SPATS1: variants seen among roughly 807,000 people sequenced by gnomAD.
SPATS1 encodes the protein spermatogenesis-associated serine-rich protein 1.
Under a neutral mutation model 33.6 loss-of-function variants are expected in SPATS1, and 23 were observed. The ratio of observed to expected loss-of-function variants is 0.68; its 90% CI spans 0.49 to 0.97. The LOEUF (loss-of-function observed/expected upper bound fraction) is 0.97. SPATS1 is among the 50% of genes least tolerant of loss of function. SPATS1 has a pLI of 0.00. For synonymous variants in SPATS1, 131 were observed against 125.6 expected (o/e 1.04, Z -0.29); for missense variants, 327 against 361.0 (o/e 0.91, Z 0.76).
intron 3 of SPATS1, among the ~76,000 whole-genome samples, chr6:44,358,593 G>A (rs895236531): frequency 6.6e-6 from 1 of 152,056 alleles, no homozygotes; most frequent in East Asian, 1.9e-4. Flanking sequence ...CTTAAACTGT[G>A]CACACAACTC....
chr6:44,365,731 T>C (rs1222245892), intron 5 of SPATS1, among the ~76,000 whole-genome samples: 1 of 152,238 alleles, frequency 6.6e-6, no homozygotes, highest in Non-Finnish European at 1.5e-5. Context: ...GAGTAAGTTA[T>C]TTGGTGAACG....
Position 44,343,049 on chromosome 6 carries a change from C to T in SPATS1, c.1-47C>T, listed in dbSNP as rs1341037530. The T allele has an allele frequency of 4.4e-6, 7 of 1,608,670 alleles. No homozygotes were observed. The Middle Eastern group carries it at 5.0e-4, about 114-fold the overall frequency. The stretch of plus-strand genomic sequence containing the variant: ...TGATACCTTTCTTACGAGGGACTTT[C>T]TTTGTCTCTGGGTTGCTTCTAATAT... On this transcript the variant is annotated intron_variant, in intron 1 of 8. Transcript: ENST00000674044.
chr6:44,348,173 T>C (rs548975112), intron 2 of SPATS1, among the ~76,000 whole-genome samples: 41 of 152,178 alleles, frequency 2.7e-4, no homozygotes, highest in African/African-American at 9.6e-4. Context: ...CATGCCCGGC[T>C]GATTTTTGTA....
In SPATS1 at chr6:44,348,923, G is replaced by A. The variant is rs146332689; in HGVS notation, c.140-3803G>A. On this transcript the variant is annotated intron_variant, in intron 2 of 8. Coordinates refer to ENST00000674044, the MANE Select transcript of SPATS1 (RefSeq NM_001372081.1). ...AGATGGGTGGGTGACCTGAGGTGTG[G>A]CGTTTGAGACCAGCTTGGCCAACAT... 5.9e-5 allele frequency among the ~76,000 whole-genome samples: 9 copies of A among 152,344 alleles called. No homozygotes were observed. In the East Asian group the frequency reaches 1.7e-3, roughly 29 times the overall value.
chr6:44,349,253 T>C (rs2396239), intron 2 of SPATS1, among the ~76,000 whole-genome samples: 108,699 of 145,248 alleles, frequency 0.75, 40,758 homozygotes, highest in Middle Eastern at 0.8. Context: ...GAGCCGAGAT[T>C]ATGCCATTGC....
At chr6:44,365,017 GACCTC>G (rs1478765304) in intron 5 of SPATS1, among the ~76,000 whole-genome samples, 2 of 152,020 alleles carry the variant, frequency 1.3e-5, no homozygotes, top group Non-Finnish European at 2.9e-5. Context: ...TCCAACTCCT[GACCTC>G]AGATGATCCA....
In SPATS1 at chr6:44,376,376, G is replaced by A. The variant is rs942576394; in HGVS notation, c.777G>A (p.Lys259=). Residue 259 remains lysine (K), a synonymous_variant, in exon 8 of 9, where the codon AAG becomes AAA. Transcript: ENST00000674044. ...CCCACAGCTTGCCTTTCTGGGTGAA[G>A]GAGAAGGCCAACAGTTTGAAAAATG... ...PQIPNLPFWV[K]EKANSLKNEI... is the part of the protein sequence containing the mutation. 6.2e-7 allele frequency: 1 copy of A among 1,612,788 alleles called. No homozygotes were observed. The highest frequency in any genetic ancestry group is 8.5e-7 in the Non-Finnish European group (1 of 1,179,522).
intron 7 of SPATS1, among the ~76,000 whole-genome samples, chr6:44,375,506 C>T (rs1336694841): frequency 6.6e-6 from 1 of 152,134 alleles, no homozygotes. Context: ...ATCAGCCAAG[C>T]CCAGCTCAAA....
At chr6:44,354,044 A>AAAC (rs1788410083) in intron 3 of SPATS1, among the ~76,000 whole-genome samples, 1 of 150,222 alleles carries the variant, frequency 6.7e-6, no homozygotes, top group South Asian at 2.1e-4. Flanking sequence ...CCTCAAAAAA[A>AAAC]AAAAAAAAAC....
chr6:44,343,825 C>T (rs538584131), intron 2 of SPATS1, among the ~76,000 whole-genome samples: 11 of 152,264 alleles, frequency 7.2e-5, no homozygotes, highest in East Asian at 1.9e-4. Context: ...GCTCAGAGTG[C>T]GCCTGCGCTC....
chr6:44,343,281 A>C, intron 2 of SPATS1, 47 bp downstream of exon 2: 1 of 1,591,980 alleles, frequency 6.3e-7, no homozygotes, highest in Non-Finnish European at 8.6e-7. Flanking sequence ...GCCACATCCA[A>C]GTATACTACA....
chr6:44,364,244 A>T (rs949088503), intron 5 of SPATS1, among the ~76,000 whole-genome samples: 8 of 152,270 alleles, frequency 5.3e-5, no homozygotes, highest in Non-Finnish European at 1.0e-4. Flanking sequence ...AAAAATTAAC[A>T]GTAATTCCTT....
At chr6:44,342,863 T>TG (rs1421876366) in intron 1 of SPATS1, 95 bp downstream of exon 1, 8 of 1,297,066 alleles carry the variant, frequency 6.2e-6, no homozygotes, top group South Asian at 1.3e-5. Context: ...TTGAGCTGGA[T>TG]GGGGGCTGCA....
At chr6:44,351,141 A>G (rs1227116991) in intron 2 of SPATS1, among the ~76,000 whole-genome samples, 2 of 147,966 alleles carry the variant, frequency 1.4e-5, no homozygotes, top group African/African-American at 2.5e-5. Flanking sequence ...AAAAAAAAAA[A>G]AAAGAAAAAA....
intron 5 of SPATS1, among the ~76,000 whole-genome samples, chr6:44,366,652 G>A (rs1467103481): frequency 6.6e-6 from 1 of 152,074 alleles, no homozygotes; most frequent in Non-Finnish European, 1.5e-5. Flanking sequence ...TGTTACCTTC[G>A]TCTTTACATA....
At chr6:44,358,995 C>T (rs1788746158) in intron 3 of SPATS1, among the ~76,000 whole-genome samples, 1 of 152,214 alleles carries the variant, frequency 6.6e-6, no homozygotes, top group Admixed American at 6.5e-5. Context: ...GTAGCCCAGG[C>T]TGGAGTGCAG....
chr6:44,372,608 C>T (rs940416465), intron 7 of SPATS1, among the ~76,000 whole-genome samples: 10 of 152,072 alleles, frequency 6.6e-5, no homozygotes, highest in East Asian at 1.9e-4. Flanking sequence ...ATTACAGGCA[C>T]GTGCCACCAC....
At chr6:44,345,735 G>A (rs1427398952) in intron 2 of SPATS1, among the ~76,000 whole-genome samples, 1 of 152,186 alleles carries the variant, frequency 6.6e-6, no homozygotes, top group Admixed American at 6.5e-5. Flanking sequence ...ATTCACATAT[G>A]TGAATCCATT....
intron 5 of SPATS1, among the ~76,000 whole-genome samples, chr6:44,363,288 G>A: frequency 6.6e-6 from 1 of 152,082 alleles, no homozygotes; most frequent in Non-Finnish European, 1.5e-5. Context: ...GGGACTAGAG[G>A]CATGTGCCAC....
Sources: allele counts gnomAD v4.1 joint callset (sites outside exome capture counted in the v4.1 genomes callset), GRCh38; gene constraint gnomAD v4.1.1; transcripts MANE v1.5; gene names NCBI Gene and HGNC (gene_info 2026-07-23, HGNC 2026-07-21).